The following EYS variants were observed in gnomAD, a reference collection of about 807,000 sequenced individuals.
EYS encodes protein eyes shut homolog.
EYS carries 250 observed loss-of-function variants against 282.1 expected under a neutral mutation model. The ratio of observed to expected loss-of-function variants is 0.89; its 90% confidence interval spans 0.80 to 0.98. The LOEUF (loss-of-function observed/expected upper bound fraction) is 0.98, where lower values mean the gene tolerates loss of function less well. Among genes scored for constraint, EYS ranks in the 50% least tolerant of loss-of-function variants. EYS has a pLI of 0.00. For missense variants in EYS, 4,016 were observed against 3,709.0 expected (o/e 1.08, Z -2.15); for synonymous variants, 1,355 against 1,282.9 (o/e 1.06, Z -1.20).
chr6:64,548,809 C>A lies in EYS; in HGVS notation c.5644+41414G>T, dbSNP rs1184071469. Among the ~76,000 whole-genome samples the A allele has an allele frequency of 4.6e-5, 7 of 151,544 alleles. No individual in the cohort carries two copies. In the East Asian group the frequency reaches 1.4e-3, roughly 29 times the overall value. ...AAACCTGCACGTTGTGCACATGTAC[C>A]CTAAAACTTAAAGTATAATAAAAAA... On this transcript the variant is annotated intron_variant, in intron 26 of 42. Coordinates refer to ENST00000503581, the MANE Select transcript of EYS (RefSeq NM_001142800.2).
At chr6:64,723,610 T>A (rs1301597076) in intron 22 of EYS, among the ~76,000 whole-genome samples, 1 of 152,210 alleles carries the variant, frequency 6.6e-6, no homozygotes, top group Non-Finnish European at 1.5e-5. Flanking sequence ...GCATCCGTGA[T>A]CTATGTGTCA....
intron 19 of EYS, among the ~76,000 whole-genome samples, chr6:64,823,612 A>C (rs1167127802): frequency 6.6e-6 from 1 of 152,008 alleles, no homozygotes; most frequent in Non-Finnish European, 1.5e-5. Flanking sequence ...GAGCACTTAT[A>C]GGTGTGCCCT....
intron 11 of EYS, among the ~76,000 whole-genome samples, chr6:65,312,650 C>A (rs1769190835): frequency 6.6e-6 from 1 of 152,178 alleles, no homozygotes; most frequent in Non-Finnish European, 1.5e-5. Context: ...AAATGTTTTA[C>A]ATGTAAACAA....
intron 22 of EYS, among the ~76,000 whole-genome samples, chr6:64,708,161 A>T (rs1270143037): frequency 6.6e-6 from 1 of 152,240 alleles, no homozygotes; most frequent in Non-Finnish European, 1.5e-5. Flanking sequence ...TGAAAAAATG[A>T]GTACTGTCAT....
At chr6:64,952,522 C>T (rs920133847) in intron 14 of EYS, among the ~76,000 whole-genome samples, 4 of 151,944 alleles carry the variant, frequency 2.6e-5, no homozygotes, top group African/African-American at 7.2e-5. Context: ...TCCAGGTAAG[C>T]TAAACTACTT....
chr6:65,442,379 A>C (rs1287274555), intron 5 of EYS, among the ~76,000 whole-genome samples: 1 of 152,082 alleles, frequency 6.6e-6, no homozygotes, highest in African/African-American at 2.4e-5. Flanking sequence ...AAGTTTAAGA[A>C]CTTAGAAATT....
chr6:65,388,475 G>A (rs1042353181), intron 7 of EYS, among the ~76,000 whole-genome samples: 6 of 152,012 alleles, frequency 3.9e-5, no homozygotes, highest in Non-Finnish European at 7.4e-5. Flanking sequence ...ACATCTTTGA[G>A]GAGATAATAT....
In EYS at chr6:64,274,488, T is replaced by TTTTTTTTTTGTA. The variant is rs1554224757; in HGVS notation, c.6191+32481_6191+32482insTACAAAAAAAAA. 6.2e-3 allele frequency among the ~76,000 whole-genome samples: 923 copies of TTTTTTTTTTGTA among 148,280 alleles called. 13 individuals carry two copies. The highest frequency in any genetic ancestry group is 0.022 in the African/African-American group (855 of 39,452). ...GAGCCACCACGCCTGGCCGTTTTTT[T>TTTTTTTTTTGTA]TTTTTTTTTTTTTTTACAAATCAGC... On this transcript the variant is annotated intron_variant, in intron 30 of 42. Coordinates refer to ENST00000503581, the MANE Select transcript of EYS (RefSeq NM_001142800.2).
chr6:65,547,493 G>A (rs924858918), intron 2 of EYS, among the ~76,000 whole-genome samples: 5 of 151,896 alleles, frequency 3.3e-5, no homozygotes, highest in African/African-American at 1.2e-4. Flanking sequence ...ATATGTTCCT[G>A]ATTACTTGTA....
intron 31 of EYS, among the ~76,000 whole-genome samples, chr6:64,155,572 G>A (rs1320479271): frequency 6.6e-6 from 1 of 152,142 alleles, no homozygotes; most frequent in African/African-American, 2.4e-5. Context: ...CTGACAATAT[G>A]TAATTAGAGA....
chr6:63,813,701 A>G (rs1264061137), intron 36 of EYS, among the ~76,000 whole-genome samples: 1 of 152,178 alleles, frequency 6.6e-6, no homozygotes, highest in Non-Finnish European at 1.5e-5. Flanking sequence ...GCTGCTGTGT[A>G]TAACCTCAGC....
chr6:64,274,760 G>A (rs116238458), intron 30 of EYS, among the ~76,000 whole-genome samples: 55 of 151,924 alleles, frequency 3.6e-4, no homozygotes, highest in African/African-American at 1.2e-3. Flanking sequence ...TACAAGTACC[G>A]AACTTAGACT....
chr6:65,339,495 G>C (rs1346713726), intron 10 of EYS, among the ~76,000 whole-genome samples: 4 of 151,038 alleles, frequency 2.6e-5, no homozygotes, highest in Non-Finnish European at 5.9e-5. Context: ...AGTAATTGTT[G>C]TTAATCTCTT....
At chr6:64,171,667 C>G (rs1007812134) in intron 31 of EYS, among the ~76,000 whole-genome samples, 1 of 152,246 alleles carries the variant, frequency 6.6e-6, no homozygotes, top group East Asian at 1.9e-4. Flanking sequence ...CCAGCTCAAA[C>G]TGGCCTAAGT....
intron 1 of EYS, among the ~76,000 whole-genome samples, chr6:65,648,103 A>G (rs2149816756): frequency 6.6e-6 from 1 of 152,334 alleles, no homozygotes; most frequent in South Asian, 2.1e-4. Flanking sequence ...TACGACCACT[A>G]TGGAAAACAA....
At chr6:65,542,446 AT>A (rs1768201428) in intron 2 of EYS, among the ~76,000 whole-genome samples, 1 of 151,134 alleles carries the variant, frequency 6.6e-6, no homozygotes, top group African/African-American at 2.4e-5. Context: ...TTTCAAAAAA[AT>A]AACTGTGGCT....
intron 31 of EYS, among the ~76,000 whole-genome samples, chr6:64,176,663 A>C (rs1321616741): frequency 6.6e-6 from 1 of 152,064 alleles, no homozygotes. Flanking sequence ...TGGAAAAAAA[A>C]CTTCTAAATT....
chr6:64,507,643 G>C (rs1212782778), intron 26 of EYS, among the ~76,000 whole-genome samples: 44 of 152,198 alleles, frequency 2.9e-4, no homozygotes. Context: ...ACTGGGTAAA[G>C]CTAGAACTAA....
intron 10 of EYS, among the ~76,000 whole-genome samples, chr6:65,339,462 G>A (rs1046452986): frequency 6.6e-6 from 1 of 151,112 alleles, no homozygotes; most frequent in African/African-American, 2.4e-5. Context: ...ATAGTATACT[G>A]TTATAATTGT....
Sources: gnomAD v4.1 joint callset for allele counts (sites outside exome capture counted in the v4.1 genomes callset) on GRCh38, gnomAD v4.1.1 for gene constraint, MANE v1.5 for transcripts, NCBI Gene and HGNC (gene_info 2026-07-23, HGNC 2026-07-21) for gene names.